Variants in CTNNA1 observed in about 807,000 individuals in gnomAD.
The protein encoded by CTNNA1 is catenin alpha-1.
CTNNA1 carries 37 observed loss-of-function variants against 98.4 expected under a neutral mutation model. The ratio of observed to expected loss-of-function variants is 0.38; its 90% CI spans 0.29 to 0.49. The LOEUF is 0.49. Among genes scored for constraint, CTNNA1 ranks in the 20% least tolerant of loss-of-function variants. The probability of loss-of-function intolerance (pLI) is 0.95; values close to 1 mark genes in which losing one functional copy is unlikely to be tolerated. For synonymous variants in CTNNA1, 404 were observed against 413.2 expected, an observed-to-expected ratio of 0.98 and a Z score of 0.27; for missense variants, 761 against 1,147.2, an observed-to-expected ratio of 0.66 and a Z score of 4.86.
At chr5:138,792,772 G>C (rs567293523) in intron 3 of CTNNA1, among the ~76,000 whole-genome samples, 2 of 152,336 alleles carry the variant, frequency 1.3e-5, no homozygotes, top group African/African-American at 4.8e-5. Flanking sequence ...AAGTGTTAAT[G>C]ATGCTCTGGA....
intron 1 of CTNNA1, among the ~76,000 whole-genome samples, chr5:138,758,164 A>G (rs1233362613): frequency 6.6e-6 from 1 of 151,088 alleles, no homozygotes; most frequent in Non-Finnish European, 1.5e-5. Context: ...GTGCCACCAC[A>G]CCTGGCTAAT....
rs1230548754 is a variant in CTNNA1, at chr5:138,934,305, G to A, written c.*216G>A. The A allele has an allele frequency of 5.7e-6, 3 of 524,450 alleles. No individual in the cohort carries two copies. Among genetic ancestry groups the A allele is most frequent in the East Asian group, 3.1e-5 (1 of 31,988 alleles). 32.5% of individuals were successfully genotyped at this position (524,450 alleles called of 1,614,324 possible). A position where few individuals can be genotyped will look rare whatever the true frequency, so the allele number is the denominator to read the frequency against. On this transcript the variant is annotated 3_prime_UTR_variant, in exon 18 of 18. Coordinates refer to ENST00000302763, the MANE Select transcript of CTNNA1 (RefSeq NM_001903.5). ...GAGCCTACTTCTAGCTGTATTTTTT[G>A]TATGCTTAAATAAAAATAAAAATTC...
At chr5:138,918,939 A>G (rs934556228) in intron 11 of CTNNA1, among the ~76,000 whole-genome samples, 1 of 152,194 alleles carries the variant, frequency 6.6e-6, no homozygotes, top group Non-Finnish European at 1.5e-5. Context: ...AGTGACCTAT[A>G]TAAGGGTGAC....
At chr5:138,765,947 CAAAAAA>C (rs1026779147) in intron 1 of CTNNA1, among the ~76,000 whole-genome samples, 1 of 48,506 alleles carries the variant, frequency 2.1e-5, no homozygotes, top group Non-Finnish European at 4.5e-5. Flanking sequence ...GACTCTGTCT[CAAAAAA>C]AAAAAAAAAA....
Position 138,917,951 on chromosome 5 carries a change from G to A in CTNNA1, c.1546+53G>A, listed in dbSNP as rs1348662009. 9 of 1,578,478 alleles carry A rather than the reference G, an allele frequency of 5.7e-6. No homozygotes were observed. The Admixed American group carries it at 6.8e-5, about 12-fold the overall frequency. ...TGTGAAGATGTTCATAATTACTTTT[G>A]TCTAAGTTGTATTAATGGGCAAACA... On this transcript the variant is annotated intron_variant, in intron 11 of 17. Transcript: ENST00000302763.
At chr5:138,846,853 T>C (rs924830276) in intron 7 of CTNNA1, among the ~76,000 whole-genome samples, 1 of 152,184 alleles carries the variant, frequency 6.6e-6, no homozygotes, top group Non-Finnish European at 1.5e-5. Flanking sequence ...GAAAAAGTGT[T>C]AGATCTCTAC....
At chr5:138,790,242 T>C (rs1266230793) in intron 3 of CTNNA1, among the ~76,000 whole-genome samples, 1 of 152,228 alleles carries the variant, frequency 6.6e-6, no homozygotes, top group Non-Finnish European at 1.5e-5. Flanking sequence ...AAGTAGCTGA[T>C]CTTTTCAGTA....
chr5:138,859,162 T>C (rs1764032424), intron 7 of CTNNA1, among the ~76,000 whole-genome samples: 1 of 152,238 alleles, frequency 6.6e-6, no homozygotes, highest in East Asian at 1.9e-4. Flanking sequence ...GATATGTCGT[T>C]TCCAGTCATT....
At chr5:138,757,933 C>T (rs978995702) in intron 1 of CTNNA1, among the ~76,000 whole-genome samples, 15 of 152,190 alleles carry the variant, frequency 9.9e-5, no homozygotes, top group Admixed American at 6.5e-4. Context: ...TCTTCCTTGC[C>T]ACCCAGATCT....
chr5:138,810,923 AC>A lies in CTNNA1; in HGVS notation c.468+726del, dbSNP rs1321656371. On this transcript the variant is annotated intron_variant, in intron 4 of 17. Coordinates refer to ENST00000302763, the MANE Select transcript of CTNNA1 (RefSeq NM_001903.5). ...GGGCGGCTGGCCGGGCAGGGGGCTG[AC>A]CCCCCCACCTCCCTCCCGGACGGGG... 3.2e-4 allele frequency among the ~76,000 whole-genome samples: 41 copies of A among 128,428 alleles called. No individual in the cohort carries two copies. The South Asian group carries it at 6.9e-3, about 21-fold the overall frequency. 84.3% of individuals were successfully genotyped at this position (128,428 alleles called of 152,430 possible). A position where few individuals can be genotyped will look rare whatever the true frequency, so the allele number is the denominator to read the frequency against.
intron 5 of CTNNA1, among the ~76,000 whole-genome samples, chr5:138,814,364 T>C (rs192279827): frequency 1.1e-4 from 16 of 152,142 alleles, no homozygotes; most frequent in African/African-American, 3.6e-4. Context: ...TTATCCTGCC[T>C]CAGCCTCCCG....
Position 138,804,090 on chromosome 5 carries a change from T to G in CTNNA1, c.302-5948T>G, listed in dbSNP as rs575101774. ...CCAACCCTATTTTGTCTCCTAGTGC[T>G]TGCTGCAAGGCACTGAACTAGGCAT... On this transcript the variant is annotated intron_variant, in intron 3 of 17. Transcript: ENST00000302763. Among the ~76,000 whole-genome samples the G allele has an allele frequency of 5.3e-5, 8 of 152,360 alleles. 1 individual carries two copies. In the East Asian group the frequency reaches 1.5e-3, roughly 29 times the overall value.
At chr5:138,883,930 G>A (rs1753486210) in intron 7 of CTNNA1, among the ~76,000 whole-genome samples, 1 of 152,292 alleles carries the variant, frequency 6.6e-6, no homozygotes, top group African/African-American at 2.4e-5. Flanking sequence ...GTAAATAATT[G>A]CACGTCTCAA....
chr5:138,822,309 T>C (rs1286682793), intron 5 of CTNNA1, among the ~76,000 whole-genome samples: 2 of 152,202 alleles, frequency 1.3e-5, no homozygotes, highest in East Asian at 3.9e-4. Flanking sequence ...AAAGTAGAAG[T>C]TGGTAATACC....
chr5:138,925,437 A>G, intron 13 of CTNNA1, 30 bp downstream of exon 13: 3 of 1,603,798 alleles, frequency 1.9e-6, no homozygotes, highest in Non-Finnish European at 2.6e-6. Context: ...ACGTCTTAAC[A>G]GCTTCTTTCT....
chr5:138,755,408 C>T (rs1024874101), intron 1 of CTNNA1, among the ~76,000 whole-genome samples: 2 of 152,046 alleles, frequency 1.3e-5, no homozygotes, highest in Non-Finnish European at 1.5e-5. Flanking sequence ...ATTGTGATAT[C>T]ACTCTCCTGG....
At chr5:138,781,158 A>C (rs973742154) in intron 1 of CTNNA1, among the ~76,000 whole-genome samples, 6 of 152,232 alleles carry the variant, frequency 3.9e-5, no homozygotes, top group Non-Finnish European at 8.8e-5. Context: ...CCATCAAAAA[A>C]TGAAGTGAAG....
At chr5:138,923,093 C>T (rs1422156772) in intron 11 of CTNNA1, among the ~76,000 whole-genome samples, 1 of 152,154 alleles carries the variant, frequency 6.6e-6, no homozygotes, top group Non-Finnish European at 1.5e-5. Flanking sequence ...CTTAGTTTTG[C>T]TATCAACATG....
At chr5:138,773,847 A>G (rs1479661122) in intron 1 of CTNNA1, among the ~76,000 whole-genome samples, 1 of 151,634 alleles carries the variant, frequency 6.6e-6, no homozygotes, top group Non-Finnish European at 1.5e-5. Context: ...GAATAGCTGG[A>G]CTATGGATGC....
Sources: allele counts gnomAD v4.1 joint callset (sites outside exome capture counted in the v4.1 genomes callset), GRCh38; gene constraint gnomAD v4.1.1; transcripts MANE v1.5; gene names NCBI Gene and HGNC (gene_info 2026-07-23, HGNC 2026-07-21).